PCDH15: variants seen among roughly 807,000 people sequenced by gnomAD.
The protein encoded by PCDH15 is protocadherin related 15, also known as protocadherin-15.
In PCDH15, 129 loss-of-function variants were observed where a neutral mutation model predicts 178.5. The ratio of observed to expected loss-of-function variants is 0.72; its 90% CI spans 0.63 to 0.84. PCDH15 has a LOEUF of 0.84. Ranked by LOEUF, PCDH15 falls within the 40% of genes least tolerant of loss-of-function variation. PCDH15 has a pLI of 0.00. For synonymous variants in PCDH15, 800 were observed against 732.0 expected (o/e 1.09, Z -1.50); for missense variants, 2,230 against 2,099.9 (o/e 1.06, Z -1.21).
chr10:54,774,183 C>T (rs1456042617), intron 1 of PCDH15, among the ~76,000 whole-genome samples: 1 of 151,856 alleles, frequency 6.6e-6, no homozygotes, highest in African/African-American at 2.4e-5. Flanking sequence ...CGCCTGCCAC[C>T]ACACCCAGCT....
intron 18 of PCDH15, among the ~76,000 whole-genome samples, chr10:54,038,154 GAACT>G (rs1353098234): frequency 6.6e-6 from 1 of 151,892 alleles, no homozygotes; most frequent in Non-Finnish European, 1.5e-5. Context: ...AAATCCCAAT[GAACT>G]AATTCTTCTG....
intron 2 of PCDH15, among the ~76,000 whole-genome samples, chr10:55,465,160 T>C (rs559874914): frequency 2.0e-5 from 3 of 152,212 alleles, no homozygotes; most frequent in South Asian, 2.1e-4. Context: ...GGAAATTGAC[T>C]CACAGGATCA....
chr10:54,951,153 T>G (rs1011577155), intron 2 of PCDH15, among the ~76,000 whole-genome samples: 1 of 151,892 alleles, frequency 6.6e-6, no homozygotes, highest in African/African-American at 2.4e-5. Flanking sequence ...GAATGACATG[T>G]GTCCACCAGT....
chr10:54,191,996 G>A (rs977797498), intron 11 of PCDH15, among the ~76,000 whole-genome samples: 10 of 140,166 alleles, frequency 7.1e-5, no homozygotes, highest in African/African-American at 2.6e-4. Flanking sequence ...CGGGGGGAAG[G>A]AAAGGAAGGG....
intron 2 of PCDH15, among the ~76,000 whole-genome samples, chr10:55,589,096 A>G (rs1307854495): frequency 1.3e-5 from 2 of 151,694 alleles, no homozygotes; most frequent in East Asian, 3.9e-4. Context: ...AAAAAAAAAA[A>G]AAAAAGAAAG....
chr10:55,218,746 G>A (rs1840782975), intron 1 of PCDH15, among the ~76,000 whole-genome samples: 2 of 152,150 alleles, frequency 1.3e-5, no homozygotes. Flanking sequence ...GCACTTTGCT[G>A]AGCCTCTCTG....
intron 3 of PCDH15, among the ~76,000 whole-genome samples, chr10:54,489,016 T>C (rs1292830008): frequency 6.6e-6 from 1 of 152,010 alleles, no homozygotes; most frequent in Non-Finnish European, 1.5e-5. Flanking sequence ...ATTTTAACAA[T>C]ATATAATAAT....
intron 2 of PCDH15, among the ~76,000 whole-genome samples, chr10:55,135,432 C>T (rs1178562096): frequency 6.6e-6 from 1 of 152,060 alleles, no homozygotes; most frequent in Non-Finnish European, 1.5e-5. Flanking sequence ...ATCCTGTCCC[C>T]AGCTCCACTC....
intron 2 of PCDH15, among the ~76,000 whole-genome samples, chr10:55,111,297 T>C (rs1233392487): frequency 6.6e-6 from 1 of 152,214 alleles, no homozygotes; most frequent in Non-Finnish European, 1.5e-5. Flanking sequence ...TCTAGTCTAA[T>C]GGGAAAGTGT....
intron 2 of PCDH15, among the ~76,000 whole-genome samples, chr10:55,502,233 T>C (rs1448557251): frequency 6.6e-6 from 1 of 151,652 alleles, no homozygotes; most frequent in African/African-American, 2.4e-5. Context: ...CTGTCCCACT[T>C]GTATTGCTCT....
intron 15 of PCDH15, among the ~76,000 whole-genome samples, chr10:54,121,957 C>A (rs2095226220): frequency 6.6e-6 from 1 of 150,818 alleles, no homozygotes; most frequent in South Asian, 2.1e-4. Context: ...CTAACTGATT[C>A]TATGAAGCCA....
chr10:54,900,744 T>C (rs1591771616), intron 2 of PCDH15, among the ~76,000 whole-genome samples: 3 of 152,284 alleles, frequency 2.0e-5, no homozygotes, highest in South Asian at 4.1e-4. Context: ...AATAGGAGCA[T>C]AGTGTGGAAA....
intron 3 of PCDH15, among the ~76,000 whole-genome samples, chr10:54,818,762 A>G (rs1283297921): frequency 1.3e-5 from 2 of 152,010 alleles, no homozygotes; most frequent in African/African-American, 4.8e-5. Flanking sequence ...TAGAGACCCT[A>G]TGAAAGAACT....
chr10:54,994,181 G>T (rs757304609), intron 2 of PCDH15, among the ~76,000 whole-genome samples: 4 of 151,892 alleles, frequency 2.6e-5, no homozygotes, highest in Non-Finnish European at 4.4e-5. Context: ...TTTTATTACC[G>T]CAACCTGGCT....
At chr10:53,989,675 A>C (rs2091335705) in intron 21 of PCDH15, among the ~76,000 whole-genome samples, 1 of 152,150 alleles carries the variant, frequency 6.6e-6, no homozygotes, top group Non-Finnish European at 1.5e-5. Context: ...GTTAAGGGGA[A>C]AAAAAGCAAC....
At chr10:55,141,558 A>G (rs768235497) in intron 2 of PCDH15, among the ~76,000 whole-genome samples, 15 of 152,088 alleles carry the variant, frequency 9.9e-5, no homozygotes, top group Non-Finnish European at 1.9e-4. Flanking sequence ...TACTAATTAA[A>G]ATAATTTCAA....
At chr10:55,189,495 C>T (rs1318051737) in intron 1 of PCDH15, among the ~76,000 whole-genome samples, 1 of 151,700 alleles carries the variant, frequency 6.6e-6, no homozygotes, top group Non-Finnish European at 1.5e-5. Context: ...AAAGTTAGAC[C>T]AGCTGATACA....
intron 2 of PCDH15, among the ~76,000 whole-genome samples, chr10:55,129,062 T>C (rs1837976270): frequency 1.3e-5 from 2 of 152,104 alleles, no homozygotes; most frequent in Admixed American, 1.3e-4. Context: ...CTTGCACAAT[T>C]AATAGTTCCT....
Position 54,121,220 on chromosome 10 carries a change from A to G in PCDH15, c.1917+11655T>C, listed in dbSNP as rs536764965. Among the ~76,000 whole-genome samples the G allele has an allele frequency of 1.3e-3, 180 of 143,830 alleles. 1 individual carries two copies. Among genetic ancestry groups the G allele is most frequent in the African/African-American group, 4.7e-3 (174 of 36,686 alleles). The allele number at this position is 143,830 out of a possible 152,430, so 94.4% of individuals were successfully genotyped here. A position where few individuals can be genotyped will look rare whatever the true frequency, so the allele number is the denominator to read the frequency against. On this transcript the variant is annotated intron_variant, in intron 15 of 37. Coordinates refer to ENST00000644397, the MANE Select transcript of PCDH15 (RefSeq NM_001384140.1). The stretch of plus-strand genomic sequence containing the variant: ...TAAGTAAACAACAATATCAAGCCAG[A>G]AACATAAAAAATTATTTGAAATAAA...
Sources: gnomAD v4.1 joint callset for allele counts (sites outside exome capture counted in the v4.1 genomes callset) on GRCh38, gnomAD v4.1.1 for gene constraint, MANE v1.5 for transcripts, NCBI Gene and HGNC (gene_info 2026-07-23, HGNC 2026-07-21) for gene names.